CCDC57: variants seen among roughly 807,000 people sequenced by gnomAD.
CCDC57 encodes the protein coiled-coil domain containing 57, also known as coiled-coil domain-containing protein 57.
Under a neutral mutation model 118.9 loss-of-function variants are expected in CCDC57, and 118 were observed. The observed-to-expected ratio is 0.99, with a 90% CI of 0.86 to 1.16. The LOEUF (loss-of-function observed/expected upper bound fraction) is 1.16, where lower values mean the gene tolerates loss of function less well. Ranked by LOEUF, CCDC57 falls within the 50% of genes most tolerant of loss-of-function variation. The probability of loss-of-function intolerance (pLI) is 0.00; values close to 1 mark genes in which losing one functional copy is unlikely to be tolerated. For synonymous variants in CCDC57, 527 were observed against 532.9 expected (o/e 0.99, Z 0.15); for missense variants, 1,300 against 1,320.7 (o/e 0.98, Z 0.24).
Position 82,172,607 on chromosome 17 carries a change from C to CCCGCTCTGT in CCDC57, c.1729+22_1729+30dup. ...CCTCCCTCCCTCTCCCCCTTCCTCT[C>CCCGCTCTGT]CCGCTCTGTCCGTTTCTCCCACTTA... On this transcript the variant is annotated intron_variant, in intron 12 of 19. Transcript: ENST00000665763. This position sits in a 1 kb window ranked among gnomAD's most constrained non-coding sequence, Gnocchi z 5.2. 1.3e-6 allele frequency: 2 copies of CCCGCTCTGT among 1,538,100 alleles called. No individual in the cohort carries two copies. Among genetic ancestry groups the CCCGCTCTGT allele is most frequent in the East Asian group, 2.4e-5 (1 of 40,866 alleles).
intron 17 of CCDC57, among the ~76,000 whole-genome samples, chr17:82,132,769 T>TTG (rs1319299865): frequency 6.7e-6 from 1 of 148,520 alleles, no homozygotes; most frequent in Non-Finnish European, 1.5e-5. Context: ...CTTTTTTTTT[T>TTG]TTTTTTTTGA....
intron 19 of CCDC57, among the ~76,000 whole-genome samples, chr17:82,108,243 G>A (rs2035003823): frequency 6.6e-6 from 1 of 152,230 alleles, no homozygotes; most frequent in African/African-American, 2.4e-5. Flanking sequence ...AGTGAGATGA[G>A]TGTCATGGCT....
At chr17:82,130,032 G>A (rs2038092996) in intron 17 of CCDC57, among the ~76,000 whole-genome samples, 1 of 151,844 alleles carries the variant, frequency 6.6e-6, no homozygotes, top group African/African-American at 2.4e-5. Context: ...CCCCCTATCT[G>A]TACAAAAAAA....
chr17:82,183,437 T>C (rs1224959666), intron 9 of CCDC57, among the ~76,000 whole-genome samples: 1 of 151,950 alleles, frequency 6.6e-6, no homozygotes, highest in African/African-American at 2.4e-5. Flanking sequence ...CTCCTGCTTC[T>C]GCCTCCCTAA....
chr17:82,203,902 G>C (rs1437458798), intron 2 of CCDC57, among the ~76,000 whole-genome samples: 1 of 152,152 alleles, frequency 6.6e-6, no homozygotes, highest in Non-Finnish European at 1.5e-5. Context: ...TCTGCATCTC[G>C]GGGCACAGCA....
In CCDC57 at chr17:82,118,580, G is replaced by C. The variant is rs1189148762; in HGVS notation, c.2899+9112C>G. 2.6e-5 allele frequency among the ~76,000 whole-genome samples: 4 copies of C among 152,028 alleles called. No homozygotes were observed. The highest frequency in any genetic ancestry group is 1.3e-4 in the Admixed American group (2 of 15,256). On this transcript the variant is annotated intron_variant, in intron 19 of 19. Coordinates refer to ENST00000665763, the Ensembl canonical transcript of CCDC57. The surrounding 1 kb of genome is among the most constrained non-coding windows in gnomAD (Gnocchi z 4.7). ...TTGGGCACTTGATACACACCCATAA[G>C]GTGCACTCTAGGGAGGTGGAGGCAG...
intron 19 of CCDC57, among the ~76,000 whole-genome samples, chr17:82,116,427 A>G (rs2035927898): frequency 1.3e-5 from 2 of 152,002 alleles, no homozygotes; most frequent in African/African-American, 2.4e-5. Context: ...CCTGGCCCCA[A>G]TCTTGATGAG....
intron 19 of CCDC57, chr17:82,126,215 G>T (rs769613853): frequency 4.6e-4 from 113 of 245,502 alleles, no homozygotes; most frequent in Non-Finnish European, 7.0e-4. Flanking sequence ...GGGAGGAGGA[G>T]CTTGCAGTGA....
intron 8 of CCDC57, among the ~76,000 whole-genome samples, chr17:82,185,476 G>A (rs190216403): frequency 5.3e-4 from 80 of 150,494 alleles, no homozygotes; most frequent in African/African-American, 1.6e-3. Flanking sequence ...AAAATTAGCC[G>A]GGTGTGGTGG....
At chr17:82,126,235 G>A (rs1346530956) in intron 19 of CCDC57, 6 of 323,116 alleles carry the variant, frequency 1.9e-5, no homozygotes, top group African/African-American at 6.8e-5. Flanking sequence ...AGCTGAGATT[G>A]CGCCATTGCA....
At chr17:82,165,262 T>C (rs1334112961) in intron 13 of CCDC57, among the ~76,000 whole-genome samples, 1 of 152,192 alleles carries the variant, frequency 6.6e-6, no homozygotes, top group Non-Finnish European at 1.5e-5. Context: ...ACGGGCGGTT[T>C]AACCCGACGG....
At chr17:82,165,017 C>T (rs375220555) in intron 13 of CCDC57, among the ~76,000 whole-genome samples, 1 of 152,198 alleles carries the variant, frequency 6.6e-6, no homozygotes, top group East Asian at 1.9e-4. Context: ...TGTGATAATT[C>T]TCAATAAAAC....
In CCDC57 at chr17:82,101,943, C is replaced by T. The variant is rs908500548; in HGVS notation, c.2900-77G>A. 5 of 1,355,746 alleles carry T rather than the reference C, an allele frequency of 3.7e-6. No individual in the cohort carries two copies. The South Asian group carries it at 6.2e-5, about 17-fold the overall frequency. 84.0% of individuals were successfully genotyped at this position (1,355,746 alleles called of 1,614,324 possible). ...GGAGGCTGTGCTCACAGGCACTGCA[C>T]AGGTGCAGCACTTCCGTGTTCCCGG... is the stretch of plus-strand genomic sequence containing the variant. On this transcript the variant is annotated intron_variant, in intron 19 of 19. Transcript: ENST00000665763.
intron 15 of CCDC57, 148 bp downstream of exon 14, chr17:82,157,600 G>A: frequency 6.9e-7 from 1 of 1,440,424 alleles, no homozygotes; most frequent in South Asian, 1.5e-5. Context: ...GTGGAGCAGG[G>A]CCCACTTCCA....
chr17:82,178,747 C>T, intron 10 of CCDC57, 142 bp from the exon 10 acceptor site: 1 of 1,250,346 alleles, frequency 8.0e-7, no homozygotes. Context: ...ACCCTTCCTG[C>T]CCATGCATAC....
At chr17:82,148,108 T>G (rs1432504553) in intron 16 of CCDC57, among the ~76,000 whole-genome samples, 7 of 62,220 alleles carry the variant, frequency 1.1e-4, no homozygotes, top group Admixed American at 1.8e-4. Context: ...GTGGGTGGGA[T>G]AAGTGGTTGG....
intron 19 of CCDC57, chr17:82,126,302 G>T: frequency 2.7e-6 from 2 of 734,940 alleles, no homozygotes; most frequent in Non-Finnish European, 3.3e-6. Context: ...AAAAAAAACA[G>T]ACAAGATAAA....
At chr17:82,131,308 G>A (rs2038335177) in intron 17 of CCDC57, among the ~76,000 whole-genome samples, 1 of 151,928 alleles carries the variant, frequency 6.6e-6, no homozygotes, top group African/African-American at 2.4e-5. Context: ...GTGTGTGCCT[G>A]TAATCCCAGC....
At chr17:82,144,015 C>T (rs1428789899) in intron 16 of CCDC57, among the ~76,000 whole-genome samples, 1 of 151,638 alleles carries the variant, frequency 6.6e-6, no homozygotes, top group Non-Finnish European at 1.5e-5. Flanking sequence ...GATCATGTCA[C>T]TGCACTCCAG....
Sources: gnomAD v4.1 joint callset for allele counts (sites outside exome capture counted in the v4.1 genomes callset) on GRCh38, gnomAD v4.1.1 for gene constraint, Gnocchi (gnomAD v3.1) non-coding constraint, MANE v1.5 for transcripts, NCBI Gene and HGNC (gene_info 2026-07-23, HGNC 2026-07-21) for gene names.